The following SPSB4 variants were observed in gnomAD, a reference collection of about 807,000 sequenced individuals.
SPSB4 encodes the protein SPRY domain-containing SOCS box protein 4.
SPSB4 carries 21 observed loss-of-function variants against 20.9 expected under a neutral mutation model. The observed-to-expected ratio is 1.01, with a 90% CI of 0.71 to 1.45. SPSB4 has a LOEUF of 1.45. Ranked by LOEUF, SPSB4 falls within the 40% of genes most tolerant of loss-of-function variation. SPSB4 has a pLI of 0.00. For missense variants in SPSB4, 399 were observed against 399.2 expected (o/e 1.00, Z 0.00); for synonymous variants, 207 against 183.8 (o/e 1.13, Z -1.02).
At chr3:141,067,599 T>A (rs1937914887) in intron 2 of SPSB4, among the ~76,000 whole-genome samples, 1 of 152,346 alleles carries the variant, frequency 6.6e-6, no homozygotes, top group Middle Eastern at 3.4e-3. Flanking sequence ...TCTCATTTAA[T>A]ATACACAACC....
Position 141,103,301 on chromosome 3 carries a change from A to G in SPSB4, c.694+36503A>G, listed in dbSNP as rs141152013. Among the ~76,000 whole-genome samples, 1,482 of 152,298 alleles carry G rather than the reference A, an allele frequency of 9.7e-3. 27 individuals carry two copies. The highest frequency in any genetic ancestry group is 0.034 in the African/African-American group (1,420 of 41,574). On this transcript the variant is annotated intron_variant, in intron 2 of 2. Coordinates refer to ENST00000310546, the MANE Select transcript of SPSB4 (RefSeq NM_080862.3). The stretch of plus-strand genomic sequence containing the variant: ...CCACATCCCCCAAGGCAAGTCAACT[A>G]GGACTTGTTACTGAGCTACTCCAGG...
chr3:141,108,044 G>C (rs907150920), intron 2 of SPSB4, among the ~76,000 whole-genome samples: 2 of 152,110 alleles, frequency 1.3e-5, no homozygotes, highest in Non-Finnish European at 2.9e-5. Flanking sequence ...TAAAATTCCA[G>C]ATAGAGTGTC....
At position 141,066,308 on chromosome 3, in the gene SPSB4, G is replaced by A. The variant is rs969639365; in HGVS notation, c.204G>A (p.Lys68=). Residue 68 remains lysine, a synonymous_variant, in exon 2 of 3, where the codon AAG becomes AAA. Coordinates refer to ENST00000310546, the MANE Select transcript of SPSB4 (RefSeq NM_080862.3). The part of the protein sequence containing the change: ...PEDRSLNVFV[K]DDDRLTFHRH... ...ACCGCTCGCTCAACGTCTTCGTCAA[G>A]GACGACGACCGGCTCACCTTCCACC... 3.8e-6 allele frequency: 6 copies of A among 1,574,576 alleles called. No individual in the cohort carries two copies. The highest frequency in any genetic ancestry group is 5.2e-6 in the Non-Finnish European group (6 of 1,162,024).
intron 2 of SPSB4, among the ~76,000 whole-genome samples, chr3:141,104,192 C>G (rs1030991798): frequency 6.6e-6 from 1 of 152,016 alleles, no homozygotes; most frequent in Non-Finnish European, 1.5e-5. Flanking sequence ...GGGACTGGGC[C>G]GAGAGGAGGA....
At chr3:141,092,597 C>T (rs1938475843) in intron 2 of SPSB4, among the ~76,000 whole-genome samples, 1 of 152,232 alleles carries the variant, frequency 6.6e-6, no homozygotes, top group African/African-American at 2.4e-5. Context: ...CAGGCAGCTA[C>T]CACCTTTGCC....
intron 2 of SPSB4, among the ~76,000 whole-genome samples, chr3:141,118,496 T>C (rs1376929056): frequency 6.6e-6 from 1 of 152,224 alleles, no homozygotes; most frequent in Non-Finnish European, 1.5e-5. Context: ...TTAGTTTAAT[T>C]AGACGCCATT....
Position 141,065,975 on chromosome 3 carries a change from C to G in SPSB4, c.-130C>G. ...AGGAGCTTGGGCCCCTGCCGCAGCCCGGTAGAGGCTGTGGAGGTCTACCGT... is the reference window on the plus strand; with the variant it reads ...AGGAGCTTGGGCCCCTGCCGCAGCCGGGTAGAGGCTGTGGAGGTCTACCGT... On this transcript the variant is annotated 5_prime_UTR_variant, in exon 2 of 3. Coordinates refer to ENST00000310546, the MANE Select transcript of SPSB4 (RefSeq NM_080862.3). 1.2e-6 allele frequency: 1 copy of G among 831,368 alleles called. No individual in the cohort carries two copies. The highest frequency in any genetic ancestry group is 1.7e-6 in the Non-Finnish European group (1 of 573,514). 51.5% of individuals were successfully genotyped at this position (831,368 alleles called of 1,614,324 possible). A position where few individuals can be genotyped will look rare whatever the true frequency, so the allele number is the denominator to read the frequency against.
chr3:141,142,803 CTTTTTTTTTTTTTTTTTT>C (rs57674247), intron 2 of SPSB4, among the ~76,000 whole-genome samples: 90 of 62,040 alleles, frequency 1.5e-3, no homozygotes, highest in African/African-American at 4.5e-3. Flanking sequence ...CCCTCTTTGT[CTTTTTTTTTTTTTTTTTT>C]TTTTTTTTTT....
intron 2 of SPSB4, among the ~76,000 whole-genome samples, chr3:141,144,325 C>T (rs939023624): frequency 2.6e-5 from 4 of 152,206 alleles, no homozygotes; most frequent in African/African-American, 9.6e-5. Context: ...GGATATTCAC[C>T]TTTATGAACA....
At chr3:141,110,087 C>T (rs1938771469) in intron 2 of SPSB4, among the ~76,000 whole-genome samples, 1 of 152,152 alleles carries the variant, frequency 6.6e-6, no homozygotes, top group South Asian at 2.1e-4. Flanking sequence ...ACTCTCTGGC[C>T]CTTTGCAGCC....
At chr3:141,122,647 T>C (rs1457356554) in intron 2 of SPSB4, among the ~76,000 whole-genome samples, 2 of 152,348 alleles carry the variant, frequency 1.3e-5, no homozygotes, top group East Asian at 1.9e-4. Context: ...GCTTCAGCAA[T>C]GGCGGACAAC....
intron 2 of SPSB4, among the ~76,000 whole-genome samples, chr3:141,130,106 G>A (rs1349425534): frequency 1.3e-5 from 2 of 152,118 alleles, no homozygotes; most frequent in African/African-American, 4.8e-5. Flanking sequence ...AGGGCCAGTC[G>A]GTACAGGGAT....
chr3:141,139,251 C>G (rs1214767666), intron 2 of SPSB4, among the ~76,000 whole-genome samples: 1 of 152,120 alleles, frequency 6.6e-6, no homozygotes, highest in Non-Finnish European at 1.5e-5. Context: ...GATGGGTTTC[C>G]TGAACACAGC....
At chr3:141,088,854 CA>C (rs1938399073) in intron 2 of SPSB4, among the ~76,000 whole-genome samples, 1 of 152,218 alleles carries the variant, frequency 6.6e-6, no homozygotes, top group African/African-American at 2.4e-5. Context: ...AAGCTATCTG[CA>C]CCCACATCTT....
chr3:141,100,380 T>G (rs1474632618), intron 2 of SPSB4, among the ~76,000 whole-genome samples: 1 of 152,170 alleles, frequency 6.6e-6, no homozygotes, highest in African/African-American at 2.4e-5. Flanking sequence ...GACATAGACA[T>G]GCACACAAGA....
chr3:141,109,793 A>T (rs537860695), intron 2 of SPSB4, among the ~76,000 whole-genome samples: 2 of 152,010 alleles, frequency 1.3e-5, no homozygotes, highest in Non-Finnish European at 2.9e-5. Flanking sequence ...CCTTCCAGGT[A>T]TTTTATTTTG....
At chr3:141,092,735 G>A (rs1938479304) in intron 2 of SPSB4, among the ~76,000 whole-genome samples, 1 of 152,248 alleles carries the variant, frequency 6.6e-6, no homozygotes, top group African/African-American at 2.4e-5. Context: ...ACTGTCCCAA[G>A]GCAGGGAACG....
Position 141,065,952 on chromosome 3 carries a change from G to T in SPSB4, c.-153G>T, listed in dbSNP as rs1429359963. On this transcript the variant is annotated splice_region_variant and 5_prime_UTR_variant, in exon 2 of 3. It introduces an in-frame stop codon into an upstream open reading frame of the 5' UTR. Coordinates refer to ENST00000310546, the MANE Select transcript of SPSB4 (RefSeq NM_080862.3). ...ACCCGTGCCCTTTGCTTCCTTCCAG[G>T]AGCTTGGGCCCCTGCCGCAGCCCGG... 3.1e-6 allele frequency: 2 copies of T among 643,776 alleles called. No individual in the cohort carries two copies. The highest frequency in any genetic ancestry group is 5.0e-6 in the Non-Finnish European group (2 of 403,312). The allele number at this position is 643,776 out of a possible 1,614,324, so 39.9% of individuals were successfully genotyped here. A position where few individuals can be genotyped will look rare whatever the true frequency, so the allele number is the denominator to read the frequency against.
At chr3:141,102,871 A>G (rs1422918300) in intron 2 of SPSB4, among the ~76,000 whole-genome samples, 2 of 152,196 alleles carry the variant, frequency 1.3e-5, no homozygotes, top group Non-Finnish European at 2.9e-5. Flanking sequence ...GAACTCCTCA[A>G]GCCCTAGGGC....
Sources: gnomAD v4.1 joint callset for allele counts (sites outside exome capture counted in the v4.1 genomes callset) on GRCh38, gnomAD v4.1.1 for gene constraint, MANE v1.5 for transcripts, NCBI Gene and HGNC (gene_info 2026-07-23, HGNC 2026-07-21) for gene names.